Variants in ABL2 observed in about 807,000 individuals in gnomAD.
ABL2 encodes tyrosine-protein kinase ABL2.
ABL2 carries 49 observed loss-of-function variants against 107.7 expected under a neutral mutation model. The observed-to-expected ratio is 0.45, with a 90% CI of 0.36 to 0.58. ABL2 has a LOEUF of 0.58. ABL2 is among the 20% of genes least tolerant of loss of function. The pLI is 0.00. For missense variants in ABL2, 1,245 were observed against 1,457.0 expected (o/e 0.85, Z 2.37); for synonymous variants, 549 against 548.6 (o/e 1.00, Z -0.01).
chr1:179,135,020 G>C (rs938981585), intron 1 of ABL2, among the ~76,000 whole-genome samples: 6 of 152,244 alleles, frequency 3.9e-5, no homozygotes, highest in African/African-American at 1.4e-4. Context: ...ACGGAGTCTC[G>C]TTCACTCAGT....
At chr1:179,220,556 G>C (rs561751687) in intron 1 of ABL2, among the ~76,000 whole-genome samples, 1 of 152,218 alleles carries the variant, frequency 6.6e-6, no homozygotes, top group Non-Finnish European at 1.5e-5. Context: ...CTTTTTTTCT[G>C]TTTATGGAGT....
rs1252522233 is a variant in ABL2 at position 179,101,963 on chromosome 1, A to G, written c.*5755T>C. The G allele has an allele frequency of 5.8e-6, 1 of 171,694 alleles. No individual in the cohort carries two copies. The highest frequency in any genetic ancestry group is 6.5e-5 in the Admixed American group (1 of 15,416). The allele number at this position is 171,694 out of a possible 1,614,324, so 10.6% of individuals were successfully genotyped here. ...CTATTACTACTGGCTTGCTGGAAAA[A>G]AGAAAAAAAAAGCAAGCTTTGCATT... On this transcript the variant is annotated 3_prime_UTR_variant, in exon 12 of 12. Transcript: ENST00000502732.
chr1:179,208,421 C>T (rs761549555), intron 1 of ABL2, among the ~76,000 whole-genome samples: 1 of 152,130 alleles, frequency 6.6e-6, no homozygotes, highest in Non-Finnish European at 1.5e-5. Context: ...TCTGTTCCTG[C>T]ATTAATTCAC....
rs535113265 is a variant in ABL2, at chr1:179,111,761, A to C, written c.1651+548T>G. On this transcript the variant is annotated intron_variant, in intron 10 of 11. Transcript: ENST00000502732. ...ACTTTCCATGTCAATATATCCAAGAAGGCCGGGCGCTGTGGCTCACACATG... is the reference window on the plus strand; with the variant it reads ...ACTTTCCATGTCAATATATCCAAGACGGCCGGGCGCTGTGGCTCACACATG... Among the ~76,000 whole-genome samples the C allele has an allele frequency of 5.3e-5, 8 of 152,216 alleles. No individual in the cohort carries two copies. In the South Asian group the frequency reaches 1.5e-3, roughly 28 times the overall value.
intron 1 of ABL2, among the ~76,000 whole-genome samples, chr1:179,137,250 G>A (rs1657120082): frequency 1.3e-5 from 2 of 151,806 alleles, no homozygotes; most frequent in Non-Finnish European, 2.9e-5. Context: ...TCTTCAAACC[G>A]GTTTCATATA....
intron 1 of ABL2, among the ~76,000 whole-genome samples, chr1:179,193,554 G>A (rs1661137925): frequency 6.6e-6 from 1 of 151,836 alleles, no homozygotes; most frequent in African/African-American, 2.4e-5. Context: ...ACAAGCGCCT[G>A]CGACCACGCC....
chr1:179,178,612 G>A (rs373205124), intron 1 of ABL2, among the ~76,000 whole-genome samples: 1 of 151,654 alleles, frequency 6.6e-6, no homozygotes, highest in East Asian at 2.0e-4. Flanking sequence ...AACATCGGGC[G>A]GGCATGGTGG....
chr1:179,228,404 A>T (rs1307092078), intron 1 of ABL2, among the ~76,000 whole-genome samples: 1 of 152,154 alleles, frequency 6.6e-6, no homozygotes, highest in Admixed American at 6.5e-5. Context: ...TTTGGAGACA[A>T]CTATTCTAAA....
chr1:179,229,361 C>G lies in ABL2; in HGVS notation c.37G>C (p.Gly13Arg), dbSNP rs758479290. 17 of 1,574,536 alleles carry G rather than the reference C, an allele frequency of 1.1e-5. No homozygotes were observed. In the South Asian group the frequency reaches 2.0e-4, roughly 18 times the overall value. ...QQVGRVGEAP[G>R]LQQPQPRGIR... is the part of the protein sequence containing the mutation. The stretch of plus-strand genomic sequence containing the variant: ...CCGCGGGGCTGAGGCTGCTGGAGCC[C>G]CGGAGCTTCCCCGACGCGGCCCACC... Residue 13 changes from glycine (G) to arginine (R), a missense_variant, in exon 1 of 12, where the codon GGG becomes CGG. Physicochemically the swap from Gly to Arg is moderately radical, Grantham distance 125 (BLOSUM62 -2). Around this residue, in one of 3 missense-constraint regions of ABL2, gnomAD observed 164 missense variants for 143.7 expected, o/e 1.14. Transcript: ENST00000502732.
At chr1:179,222,315 C>T (rs1335204505) in intron 1 of ABL2, among the ~76,000 whole-genome samples, 2 of 152,030 alleles carry the variant, frequency 1.3e-5, no homozygotes, top group Admixed American at 6.5e-5. Context: ...CTGCAACCTC[C>T]GCCTCCTAGG....
At position 179,099,581 on chromosome 1, in the gene ABL2, A is replaced by G; in HGVS notation, c.*8137T>C. ...TGTGACACACAATTGATGTGTTTTT[A>G]GTTAAATCCCACATTGTCTCACTAT... On this transcript the variant is annotated 3_prime_UTR_variant, in exon 12 of 12. Transcript: ENST00000502732. 1 of 229,962 alleles carries G rather than the reference A, an allele frequency of 4.3e-6. No individual in the cohort carries two copies. The highest frequency in any genetic ancestry group is 5.7e-5 in the Admixed American group (1 of 17,686). The allele number at this position is 229,962 out of a possible 1,614,324, so 14.2% of individuals were successfully genotyped here. A position where few individuals can be genotyped will look rare whatever the true frequency, so the allele number is the denominator to read the frequency against.
chr1:179,218,466 G>A (rs1424425262), intron 1 of ABL2, among the ~76,000 whole-genome samples: 4 of 151,804 alleles, frequency 2.6e-5, no homozygotes, highest in Non-Finnish European at 5.9e-5. Context: ...GTACGATCTC[G>A]GCTCACTGCA....
At chr1:179,174,237 G>A (rs1219626734) in intron 1 of ABL2, among the ~76,000 whole-genome samples, 1 of 151,486 alleles carries the variant, frequency 6.6e-6, no homozygotes, top group Non-Finnish European at 1.5e-5. Flanking sequence ...GCAGTGAGCC[G>A]AGATCGTGCC....
intron 1 of ABL2, among the ~76,000 whole-genome samples, chr1:179,163,754 C>CA (rs760023687): frequency 2.6e-5 from 4 of 151,582 alleles, no homozygotes; most frequent in Non-Finnish European, 4.4e-5. Flanking sequence ...CTCAAAAAAA[C>CA]AAAAAAAGAA....
In ABL2 at chr1:179,203,687, T is replaced by C. The variant is rs141316109; in HGVS notation, c.157+25554A>G. On this transcript the variant is annotated intron_variant, in intron 1 of 11. Coordinates refer to ENST00000502732, the MANE Select transcript of ABL2 (RefSeq NM_007314.4). Reference sequence around the variant, plus strand: ...GGTCTCAGGTCTCATGTTCCAGCTCTGGCCCCACATGCTATACATTATTTC... The same window carrying C: ...GGTCTCAGGTCTCATGTTCCAGCTCCGGCCCCACATGCTATACATTATTTC... 2.1e-3 allele frequency among the ~76,000 whole-genome samples: 327 copies of C among 152,358 alleles called. 3 individuals are homozygous for C. The highest frequency in any genetic ancestry group is 7.5e-3 in the African/African-American group (313 of 41,588).
At chr1:179,202,965 C>T (rs1478589917) in intron 1 of ABL2, among the ~76,000 whole-genome samples, 1 of 152,108 alleles carries the variant, frequency 6.6e-6, no homozygotes, top group African/African-American at 2.4e-5. Flanking sequence ...CAAAAAATTG[C>T]TTTGTATATG....
chr1:179,101,996 C>CTTTTTTTTTTTTTTTTTTTTT lies in ABL2; in HGVS notation c.*5701_*5721dup, dbSNP rs869095809. On this transcript the variant is annotated 3_prime_UTR_variant, in exon 12 of 12. Transcript: ENST00000502732. ...AAAAGCAAGCTTTGCATTAGAATTT[C>CTTTTTTTTTTTTTTTTTTTTT]TTTTTTTTTTTTTTTTTTTTTTTTT... 8 of 53,886 alleles carry CTTTTTTTTTTTTTTTTTTTTT rather than the reference C, an allele frequency of 1.5e-4. 1 individual carries two copies. Among genetic ancestry groups the CTTTTTTTTTTTTTTTTTTTTT allele is most frequent in the East Asian group, 1.7e-3 (2 of 1,212 alleles). The allele number at this position is 53,886 out of a possible 1,614,324, so 3.3% of individuals were successfully genotyped here.
At chr1:179,160,169 C>T (rs1658975713) in intron 1 of ABL2, among the ~76,000 whole-genome samples, 1 of 151,998 alleles carries the variant, frequency 6.6e-6, no homozygotes, top group Non-Finnish European at 1.5e-5. Context: ...GTATACCATA[C>T]TTATATAACT....
chr1:179,189,325 G>A (rs1334379266), intron 1 of ABL2, among the ~76,000 whole-genome samples: 1 of 151,988 alleles, frequency 6.6e-6, no homozygotes, highest in Non-Finnish European at 1.5e-5. Flanking sequence ...GTAGAGACGG[G>A]GTTTCACCAT....
Sources: gnomAD v4.1 joint callset for allele counts (sites outside exome capture counted in the v4.1 genomes callset) on GRCh38, gnomAD v4.1.1 for gene constraint, gnomAD v4.1.1 regional missense constraint, MANE v1.5 for transcripts, NCBI Gene and HGNC (gene_info 2026-07-23, HGNC 2026-07-21) for gene names.